The following STX18 variants were observed in gnomAD, a reference collection of about 807,000 sequenced individuals.
STX18 encodes syntaxin 18, also known as syntaxin-18.
STX18 carries 40 observed loss-of-function variants against 50.1 expected under a neutral mutation model. That is an observed-to-expected ratio of 0.80 (90% CI 0.62 to 1.04). The LOEUF (loss-of-function observed/expected upper bound fraction) is 1.04, where lower values mean the gene tolerates loss of function less well. Ranked by LOEUF, STX18 falls within the 50% of genes least tolerant of loss-of-function variation. The pLI, the probability that STX18 is intolerant of heterozygous loss-of-function variation, is 0.00. For synonymous variants in STX18, 158 were observed against 151.8 expected (o/e 1.04, Z -0.30); for missense variants, 410 against 415.8 (o/e 0.99, Z 0.12).
intron 1 of STX18, among the ~76,000 whole-genome samples, chr4:4,534,033 G>A (rs990003556): frequency 2.6e-5 from 4 of 152,108 alleles, no homozygotes; most frequent in Admixed American, 6.5e-5. Context: ...TGTACTTCTC[G>A]CCACCATAAG....
intron 1 of STX18, among the ~76,000 whole-genome samples, chr4:4,494,048 G>A (rs1729062512): frequency 6.6e-6 from 1 of 152,050 alleles, no homozygotes; most frequent in Non-Finnish European, 1.5e-5. Flanking sequence ...TATCCTTTAG[G>A]ATTTTATCTC....
intron 2 of STX18, among the ~76,000 whole-genome samples, chr4:4,470,126 T>A (rs191056241): frequency 2.3e-4 from 35 of 152,268 alleles, no homozygotes; most frequent in African/African-American, 6.5e-4. Context: ...GCCCTAAGCA[T>A]CTAGAATTCA....
intron 5 of STX18, among the ~76,000 whole-genome samples, chr4:4,446,569 T>C (rs1197726374): frequency 6.6e-6 from 1 of 152,188 alleles, no homozygotes; most frequent in African/African-American, 2.4e-5. Flanking sequence ...TTAACAATAT[T>C]AGTCAGTGAG....
chr4:4,512,500 A>C (rs1730050882), intron 1 of STX18, among the ~76,000 whole-genome samples: 1 of 152,184 alleles, frequency 6.6e-6, no homozygotes, highest in South Asian at 2.1e-4. Context: ...GGAAGAAGGC[A>C]GGCACTATTG....
At chr4:4,536,383 C>T (rs1265548640) in intron 1 of STX18, among the ~76,000 whole-genome samples, 1 of 152,144 alleles carries the variant, frequency 6.6e-6, no homozygotes, top group East Asian at 1.9e-4. Context: ...AACATATATT[C>T]GAGTAGACAA....
At chr4:4,421,288 G>C (rs1299341459) in intron 9 of STX18, among the ~76,000 whole-genome samples, 1 of 151,120 alleles carries the variant, frequency 6.6e-6, no homozygotes, top group African/African-American at 2.4e-5. Context: ...CTTGCCCAAA[G>C]TCACATCACA....
intron 2 of STX18, among the ~76,000 whole-genome samples, chr4:4,470,518 A>C (rs975182144): frequency 6.6e-6 from 1 of 152,220 alleles, no homozygotes; most frequent in African/African-American, 2.4e-5. Context: ...ACCTCATGAC[A>C]TGTACAGCCT....
chr4:4,470,969 A>G (rs1397758131), intron 2 of STX18, among the ~76,000 whole-genome samples: 1 of 152,210 alleles, frequency 6.6e-6, no homozygotes, highest in African/African-American at 2.4e-5. Flanking sequence ...CTGGCTACTG[A>G]GTAGAAACTA....
At chr4:4,512,337 A>T (rs75662354) in intron 1 of STX18, among the ~76,000 whole-genome samples, 9 of 143,876 alleles carry the variant, frequency 6.3e-5, no homozygotes, top group African/African-American at 1.9e-4. Context: ...AATTCCAATT[A>T]AAAAAAAAAA....
intron 5 of STX18, among the ~76,000 whole-genome samples, chr4:4,441,961 T>C (rs1282614700): frequency 6.6e-6 from 1 of 152,204 alleles, no homozygotes; most frequent in Non-Finnish European, 1.5e-5. Flanking sequence ...AATGCTCGAA[T>C]CTAGGGTATA....
intron 5 of STX18, among the ~76,000 whole-genome samples, chr4:4,445,973 T>A (rs1726381909): frequency 1.3e-5 from 2 of 152,188 alleles, no homozygotes; most frequent in Non-Finnish European, 2.9e-5. Context: ...GGCAGTAGCA[T>A]AAGGACAATC....
At chr4:4,492,520 G>A (rs7682270) in intron 1 of STX18, among the ~76,000 whole-genome samples, 76,854 of 151,970 alleles carry the variant, frequency 0.51, 21,079 homozygotes, top group African/African-American at 0.74. Context: ...AAAAGCATTT[G>A]ACAATAACAA....
At chr4:4,478,580 G>A (rs1395054999) in intron 1 of STX18, 1 of 152,318 alleles carries the variant, frequency 6.6e-6, no homozygotes, top group East Asian at 1.9e-4. Flanking sequence ...GGGCCTGGAT[G>A]AATCAGGGTG....
chr4:4,463,087 A>G (rs1419072934), intron 2 of STX18, among the ~76,000 whole-genome samples: 1 of 152,244 alleles, frequency 6.6e-6, no homozygotes, highest in East Asian at 1.9e-4. Context: ...TTGCATTTGA[A>G]TCATACTGTC....
At chr4:4,532,632 T>C (rs933569466) in intron 1 of STX18, among the ~76,000 whole-genome samples, 1 of 152,224 alleles carries the variant, frequency 6.6e-6, no homozygotes, top group Admixed American at 6.5e-5. Context: ...ATGGATTATC[T>C]AGTCAAAACC....
intron 1 of STX18, among the ~76,000 whole-genome samples, chr4:4,513,303 T>C (rs184621808): frequency 1.3e-5 from 2 of 152,304 alleles, no homozygotes; most frequent in East Asian, 3.9e-4. Flanking sequence ...CCAGAGCTCA[T>C]GGGGTTTCCC....
intron 5 of STX18, 116 bp from the exon 6 acceptor site, chr4:4,438,625 G>T: frequency 1.3e-6 from 1 of 764,052 alleles, no homozygotes; most frequent in Non-Finnish European, 2.1e-6. Flanking sequence ...GTACTGGGGA[G>T]CAGTCACTGC....
chr4:4,481,324 C>T (rs1202079036), intron 1 of STX18, among the ~76,000 whole-genome samples: 1 of 152,162 alleles, frequency 6.6e-6, no homozygotes. Flanking sequence ...ACAACACTTC[C>T]AACAAAGACC....
chr4:4,442,603 C>T (rs539736355), intron 5 of STX18, among the ~76,000 whole-genome samples: 148 of 151,998 alleles, frequency 9.7e-4, no homozygotes, highest in Non-Finnish European at 1.9e-3. Flanking sequence ...GGCGAAAGAA[C>T]GAGAGTCCGT....
Sources: gnomAD v4.1 joint callset for allele counts (sites outside exome capture counted in the v4.1 genomes callset) on GRCh38, gnomAD v4.1.1 for gene constraint, MANE v1.5 for transcripts, NCBI Gene and HGNC (gene_info 2026-07-23, HGNC 2026-07-21) for gene names.